The following DACH2 variants were observed in gnomAD, a reference collection of about 807,000 sequenced individuals.
The protein encoded by DACH2 is dachshund homolog 2.
A neutral mutation model predicts 35.8 loss-of-function variants in DACH2; 17 were observed. The observed-to-expected ratio is 0.48, with a 90% CI of 0.33 to 0.71. The LOEUF (loss-of-function observed/expected upper bound fraction) is 0.71. Among genes scored for constraint, DACH2 ranks in the 30% least tolerant of loss-of-function variants. DACH2 has a pLI of 0.02. For missense variants in DACH2, 469 were observed against 472.7 expected (o/e 0.99, Z 0.07); for synonymous variants, 195 against 177.3 (o/e 1.10, Z -0.79).
intron 6 of DACH2, among the ~76,000 whole-genome samples, chrX:86,726,813 A>G (rs2041474901): frequency 8.9e-6 from 1 of 111,776 alleles, no homozygotes; most frequent in Non-Finnish European, 1.9e-5. Flanking sequence ...CTTCTCCGTT[A>G]CTTTTTCCCC....
At chrX:86,320,853 G>A (rs1305006796) in intron 1 of DACH2, among the ~76,000 whole-genome samples, 1 of 112,198 alleles carries the variant, frequency 8.9e-6, no homozygotes, top group African/African-American at 3.2e-5. Flanking sequence ...AGGAAAGCTT[G>A]CTTTAGCTGG....
rs57780335 is a variant in DACH2, at chrX:86,493,232, A to C, written c.528-21047A>C. ...TTGCATTTTCAAGTTAAATTTGACA[A>C]ATAAGAAAAAAGTGAATATAAACCC... On this transcript the variant is annotated intron_variant, in intron 2 of 11. Coordinates refer to ENST00000373125, the MANE Select transcript of DACH2 (RefSeq NM_053281.3). Among the ~76,000 whole-genome samples the C allele has an allele frequency of 3.8e-3, 429 of 111,576 alleles. 2 individuals carry two copies. The highest frequency in any genetic ancestry group is 0.014 in the African/African-American group (420 of 30,747).
chrX:86,229,146 A>G (rs1472935821), intron 1 of DACH2, among the ~76,000 whole-genome samples: 1 of 111,816 alleles, frequency 8.9e-6, no homozygotes, highest in Non-Finnish European at 1.9e-5. Flanking sequence ...TTTTTGTGTA[A>G]GATGAGAGAT....
chrX:86,538,035 T>C (rs1004472557), intron 3 of DACH2, among the ~76,000 whole-genome samples: 4 of 110,484 alleles, frequency 3.6e-5, no homozygotes, highest in Non-Finnish European at 7.6e-5. Flanking sequence ...TACCCCTATC[T>C]CCCTTTGCTG....
intron 6 of DACH2, among the ~76,000 whole-genome samples, chrX:86,737,754 T>C (rs914206915): frequency 3.6e-5 from 4 of 111,814 alleles, no homozygotes; most frequent in Non-Finnish European, 7.5e-5. Context: ...TTTCTTCTTT[T>C]AAAATAATTT....
chrX:86,638,599 A>G (rs1042853588), intron 3 of DACH2, among the ~76,000 whole-genome samples: 1 of 112,047 alleles, frequency 8.9e-6, no homozygotes, highest in African/African-American at 3.2e-5. Context: ...CAGGTAAAGG[A>G]CATGAATAGA....
intron 2 of DACH2, among the ~76,000 whole-genome samples, chrX:86,492,728 A>G (rs147623566): frequency 0.021 from 2,368 of 111,617 alleles, 17 homozygotes; most frequent in Non-Finnish European, 0.033. Flanking sequence ...CCCTGTGTTA[A>G]TTCACTTAGG....
In DACH2 at chrX:86,249,860, A is replaced by G. The variant is rs766165526; in HGVS notation, c.488+100752A>G. On this transcript the variant is annotated intron_variant, in intron 1 of 11. Coordinates refer to ENST00000373125, the MANE Select transcript of DACH2 (RefSeq NM_053281.3). ...ATATGATACATATACACCATGGATT[A>G]CTACACAACCATAATAAAGAATGAG... 8.5e-4 allele frequency among the ~76,000 whole-genome samples: 95 copies of G among 112,115 alleles called. 1 individual carries two copies. Among genetic ancestry groups the G allele is most frequent in the Middle Eastern group, 9.3e-3 (2 of 216 alleles).
At chrX:86,630,227 A>G (rs1460824135) in intron 3 of DACH2, among the ~76,000 whole-genome samples, 1 of 110,403 alleles carries the variant, frequency 9.1e-6, no homozygotes, top group Non-Finnish European at 1.9e-5. Flanking sequence ...AAAAACCTGG[A>G]GTACCTGGGT....
At chrX:86,608,398 C>A (rs998297199) in intron 3 of DACH2, among the ~76,000 whole-genome samples, 4 of 111,451 alleles carry the variant, frequency 3.6e-5, no homozygotes, top group Non-Finnish European at 3.8e-5. Context: ...ACCATTTGAC[C>A]CAGCCATCCC....
intron 2 of DACH2, among the ~76,000 whole-genome samples, chrX:86,490,020 A>G (rs2038072682): frequency 8.9e-6 from 1 of 112,110 alleles, no homozygotes; most frequent in Non-Finnish European, 1.9e-5. Context: ...AATCAAAGCC[A>G]GGAAGTCACA....
At chrX:86,606,638 C>T (rs181083459) in intron 3 of DACH2, among the ~76,000 whole-genome samples, 8 of 111,041 alleles carry the variant, frequency 7.2e-5, no homozygotes, top group Admixed American at 6.7e-4. Context: ...TGAGAGTGAT[C>T]CATGTGCTGA....
At chrX:86,672,146 A>G (rs2040771866) in intron 4 of DACH2, among the ~76,000 whole-genome samples, 1 of 112,130 alleles carries the variant, frequency 8.9e-6, no homozygotes, top group Admixed American at 9.4e-5. Flanking sequence ...TTCAAGAATT[A>G]GCCTAGCTGC....
At chrX:86,249,024 C>T (rs2033346069) in intron 1 of DACH2, among the ~76,000 whole-genome samples, 1 of 111,055 alleles carries the variant, frequency 9.0e-6, no homozygotes, top group African/African-American at 3.3e-5. Flanking sequence ...GAAACTGGAC[C>T]CCTTCCTTAC....
At chrX:86,748,607 C>A (rs142836754) in intron 7 of DACH2, among the ~76,000 whole-genome samples, 84 of 111,688 alleles carry the variant, frequency 7.5e-4, no homozygotes, top group African/African-American at 2.6e-3. Flanking sequence ...GTGCCATTAT[C>A]CAGGCTTCAT....
At chrX:86,725,042 AC>A (rs201283287) in intron 6 of DACH2, among the ~76,000 whole-genome samples, 245 of 108,062 alleles carry the variant, frequency 2.3e-3, no homozygotes, top group African/African-American at 7.2e-3. Context: ...AAAAAAAAAA[AC>A]AATATCTGTC....
chrX:86,176,637 G>A (rs1422236871), intron 1 of DACH2, among the ~76,000 whole-genome samples: 3 of 111,622 alleles, frequency 2.7e-5, no homozygotes, highest in Non-Finnish European at 5.7e-5. Context: ...AGAACTCTGA[G>A]AACTTGACTG....
At chrX:86,604,984 A>G (rs1025919204) in intron 3 of DACH2, among the ~76,000 whole-genome samples, 4 of 111,778 alleles carry the variant, frequency 3.6e-5, no homozygotes, top group African/African-American at 9.7e-5. Flanking sequence ...CCTATAGGTG[A>G]TAAAAACCTA....
At chrX:86,609,608 G>T (rs773601747) in intron 3 of DACH2, among the ~76,000 whole-genome samples, 7 of 111,063 alleles carry the variant, frequency 6.3e-5, no homozygotes, top group African/African-American at 2.0e-4. Flanking sequence ...TTTCTTTTTT[G>T]GAAGGCTTTC....
Sources: gnomAD v4.1 joint callset for allele counts (sites outside exome capture counted in the v4.1 genomes callset) on GRCh38, gnomAD v4.1.1 for gene constraint, MANE v1.5 for transcripts, NCBI Gene and HGNC (gene_info 2026-07-23, HGNC 2026-07-21) for gene names.